The following RSRC1 variants were observed in gnomAD, a reference collection of about 807,000 sequenced individuals.
RSRC1 encodes serine/Arginine-related protein 53.
A neutral mutation model predicts 49.1 loss-of-function variants in RSRC1; 39 were observed. That is an observed-to-expected ratio of 0.79 (90% CI 0.61 to 1.04). The LOEUF (loss-of-function observed/expected upper bound fraction) is 1.04. Among genes scored for constraint, RSRC1 ranks in the 50% least tolerant of loss-of-function variants. The pLI is 0.00. For missense variants in RSRC1, 388 were observed against 402.4 expected, an observed-to-expected ratio of 0.96 and a Z score of 0.31; for synonymous variants, 143 against 130.8, an observed-to-expected ratio of 1.09 and a Z score of -0.63.
chr3:158,416,500 A>G (rs529735969), intron 6 of RSRC1, among the ~76,000 whole-genome samples: 11 of 152,188 alleles, frequency 7.2e-5, no homozygotes, highest in African/African-American at 2.2e-4. Flanking sequence ...GAGACCACAT[A>G]TAAGTGTTTT....
chr3:158,512,618 A>G lies in RSRC1; in HGVS notation c.653-24474A>G, dbSNP rs931140343. On this transcript the variant is annotated intron_variant, in intron 7 of 9. Coordinates refer to ENST00000611884, the MANE Select transcript of RSRC1 (RefSeq NM_001271838.2). ...TGCGGGCTCTTTTTTGGTTCCATATAAACTTTAAAGTAGTTTTTTCCAATT... is the reference window on the plus strand; with the variant it reads ...TGCGGGCTCTTTTTTGGTTCCATATGAACTTTAAAGTAGTTTTTTCCAATT... Among the ~76,000 whole-genome samples, 68 of 151,782 alleles carry G rather than the reference A, an allele frequency of 4.5e-4. 1 individual carries two copies. Among genetic ancestry groups the G allele is most frequent in the South Asian group, 2.1e-4 (1 of 4,794 alleles).
chr3:158,394,629 C>T (rs60175462), intron 6 of RSRC1, among the ~76,000 whole-genome samples: 1 of 151,700 alleles, frequency 6.6e-6, no homozygotes, highest in Non-Finnish European at 1.5e-5. Flanking sequence ...TGCAGCTAAC[C>T]AGGGAAGTGA....
At chr3:158,432,668 T>G (rs1434843053) in intron 6 of RSRC1, among the ~76,000 whole-genome samples, 3 of 151,980 alleles carry the variant, frequency 2.0e-5, no homozygotes, top group African/African-American at 7.2e-5. Context: ...GATTTTAGAT[T>G]AACAAATTTC....
At chr3:158,340,254 G>A (rs141002167) in intron 5 of RSRC1, among the ~76,000 whole-genome samples, 15 of 152,056 alleles carry the variant, frequency 9.9e-5, no homozygotes, top group African/African-American at 3.1e-4. Context: ...TTCTCTTGCC[G>A]CTCCCTGGCC....
At chr3:158,497,131 C>T (rs1739364004) in intron 7 of RSRC1, among the ~76,000 whole-genome samples, 1 of 152,132 alleles carries the variant, frequency 6.6e-6, no homozygotes, top group South Asian at 2.1e-4. Context: ...TATATTCACA[C>T]TGTTGTACAA....
chr3:158,516,626 G>A lies in RSRC1; in HGVS notation c.653-20466G>A, dbSNP rs865842239. On this transcript the variant is annotated intron_variant, in intron 7 of 9. Transcript: ENST00000611884. ...CCTTGAGCTGTGGTGGGCTCCACCC[G>A]GTTGGAGCTTCCCGGCTGCTTTGTT... is the stretch of plus-strand genomic sequence containing the variant. 1.3e-3 allele frequency among the ~76,000 whole-genome samples: 202 copies of A among 152,288 alleles called. 1 individual carries two copies. The highest frequency in any genetic ancestry group is 4.6e-3 in the African/African-American group (191 of 41,570).
intron 5 of RSRC1, among the ~76,000 whole-genome samples, chr3:158,354,192 T>C (rs76000645): frequency 6.6e-6 from 1 of 152,110 alleles, no homozygotes; most frequent in African/African-American, 2.4e-5. Context: ...GGTTTCACCA[T>C]GTTGGCCAGG....
At chr3:158,305,440 C>T (rs1727786044) in intron 5 of RSRC1, among the ~76,000 whole-genome samples, 1 of 152,040 alleles carries the variant, frequency 6.6e-6, no homozygotes, top group Non-Finnish European at 1.5e-5. Flanking sequence ...GTCTGAAAAT[C>T]AGACCTTCTT....
intron 3 of RSRC1, among the ~76,000 whole-genome samples, chr3:158,184,771 A>G (rs1346260011): frequency 6.6e-6 from 1 of 152,110 alleles, no homozygotes; most frequent in Non-Finnish European, 1.5e-5. Flanking sequence ...AAAGCTGTCA[A>G]GTATCTTAAG....
intron 7 of RSRC1, among the ~76,000 whole-genome samples, chr3:158,517,439 G>A (rs960162323): frequency 1.3e-5 from 2 of 151,970 alleles, no homozygotes; most frequent in African/African-American, 4.8e-5. Context: ...TGATCATTAA[G>A]GTATTGCTTT....
intron 3 of RSRC1, 52 bp downstream of exon 3, chr3:158,124,043 G>A: frequency 8.1e-7 from 1 of 1,239,228 alleles, no homozygotes; most frequent in Non-Finnish European, 1.1e-6. Flanking sequence ...CCCAAATTCA[G>A]CGATGTAAAG....
intron 3 of RSRC1, 76 bp from the exon 4 acceptor site, chr3:158,202,996 A>G (rs1404533224): frequency 1.2e-5 from 14 of 1,192,356 alleles, no homozygotes; most frequent in South Asian, 3.4e-5. Flanking sequence ...TTTTTTTCAG[A>G]TAATTTAAAA....
intron 4 of RSRC1, among the ~76,000 whole-genome samples, chr3:158,219,263 A>G (rs527677323): frequency 1.3e-5 from 2 of 151,680 alleles, no homozygotes; most frequent in South Asian, 4.2e-4. Flanking sequence ...AGGTGACATC[A>G]AGCATTGTTG....
At chr3:158,419,744 C>T (rs971831291) in intron 6 of RSRC1, among the ~76,000 whole-genome samples, 1 of 151,456 alleles carries the variant, frequency 6.6e-6, no homozygotes, top group Admixed American at 6.6e-5. Flanking sequence ...GTACCTGTCC[C>T]CTCACAGGAT....
chr3:158,310,953 G>A (rs934610957), intron 5 of RSRC1, among the ~76,000 whole-genome samples: 2 of 151,626 alleles, frequency 1.3e-5, no homozygotes, highest in African/African-American at 4.8e-5. Flanking sequence ...TTTATAAAAT[G>A]TTTATACTAA....
At chr3:158,203,491 A>G (rs1350565083) in intron 4 of RSRC1, among the ~76,000 whole-genome samples, 1 of 152,212 alleles carries the variant, frequency 6.6e-6, no homozygotes, top group Non-Finnish European at 1.5e-5. Flanking sequence ...TATTGGAATC[A>G]ATATAAACAG....
At chr3:158,321,282 TTCC>T (rs10618455) in intron 5 of RSRC1, among the ~76,000 whole-genome samples, 89,017 of 149,966 alleles carry the variant, frequency 0.59, 26,611 homozygotes, top group East Asian at 0.74. Context: ...CCTCTTCCTC[TTCC>T]TCCTCCTCCT....
intron 4 of RSRC1, among the ~76,000 whole-genome samples, chr3:158,226,605 C>T (rs1357640206): frequency 6.6e-6 from 1 of 151,848 alleles, no homozygotes; most frequent in Non-Finnish European, 1.5e-5. Flanking sequence ...ATGTTATTTG[C>T]ACTTTTGTCC....
chr3:158,176,409 A>T (rs1328836386), intron 3 of RSRC1, among the ~76,000 whole-genome samples: 2 of 152,238 alleles, frequency 1.3e-5, no homozygotes, highest in African/African-American at 4.8e-5. Flanking sequence ...CTATACTACA[A>T]GGCTACAGTA....
Sources: gnomAD v4.1 joint callset for allele counts (sites outside exome capture counted in the v4.1 genomes callset) on GRCh38, gnomAD v4.1.1 for gene constraint, MANE v1.5 for transcripts, NCBI Gene and HGNC (gene_info 2026-07-23, HGNC 2026-07-21) for gene names.